Variants in STK32B observed in about 807,000 individuals in gnomAD.
The protein encoded by STK32B is serine/threonine-protein kinase 32B.
In STK32B, 43 loss-of-function variants were observed where a neutral mutation model predicts 52.6. The ratio of observed to expected loss-of-function variants is 0.82; its 90% CI spans 0.64 to 1.05. The LOEUF (loss-of-function observed/expected upper bound fraction) is 1.05. Among genes scored for constraint, STK32B ranks in the 50% least tolerant of loss-of-function variants. STK32B has a pLI of 0.00. For synonymous variants in STK32B, 238 were observed against 204.3 expected, an observed-to-expected ratio of 1.17 and a Z score of -1.41; for missense variants, 621 against 534.6, an observed-to-expected ratio of 1.16 and a Z score of -1.59.
At chr4:5,121,966 A>G (rs1399823642) in intron 1 of STK32B, among the ~76,000 whole-genome samples, 1 of 152,232 alleles carries the variant, frequency 6.6e-6, no homozygotes, top group East Asian at 1.9e-4. Context: ...GAAATGGGAC[A>G]GAAGGGATCA....
Position 5,398,410 on chromosome 4 carries a change from T to C in STK32B, c.472+166T>C, listed in dbSNP as rs999746421. On this transcript the variant is annotated intron_variant, in intron 5 of 11. Coordinates refer to ENST00000282908, the MANE Select transcript of STK32B (RefSeq NM_018401.3). This position sits in a 1 kb window ranked among gnomAD's most constrained non-coding sequence, Gnocchi z 4.9. ...GATCAACATCTGTGTAAATTTCTGG[T>C]CCATGTCCTGCCGTGGTAAGTTGAA... is the stretch of plus-strand genomic sequence containing the variant. Among the ~76,000 whole-genome samples the C allele has an allele frequency of 2.0e-5, 3 of 152,176 alleles. No individual in the cohort carries two copies. Among genetic ancestry groups the C allele is most frequent in the Admixed American group, 6.5e-5 (1 of 15,278 alleles).
intron 1 of STK32B, among the ~76,000 whole-genome samples, chr4:5,137,980 G>C (rs544534892): frequency 6.6e-6 from 1 of 152,210 alleles, no homozygotes; most frequent in African/African-American, 2.4e-5. Context: ...TACCTGCCCC[G>C]TGGGGACCTC....
chr4:5,168,299 G>A lies in STK32B; in HGVS notation c.109G>A (p.Val37Ile), dbSNP rs1199168608. The A allele has an allele frequency of 1.2e-6, 2 of 1,613,398 alleles. No homozygotes were observed. The highest frequency in any genetic ancestry group is 1.1e-5 in the South Asian group (1 of 90,960). ...GTTCTCTCCTTTGGCTGTCGCTCAG[G>A]TATGCATCGTGCAGAAGCGAGACAC... ...RAIGKGSFGK[V>I]CIVQKRDTKK... The change falls in exon 3 of 12, where the codon GTA becomes ATA. Residue 37 changes from valine to isoleucine, a missense_variant and splice_region_variant. Val to Ile is a conservative substitution (Grantham distance 29). Transcript: ENST00000282908.
At chr4:5,489,205 T>TTATC (rs1719477754) in intron 11 of STK32B, among the ~76,000 whole-genome samples, 1 of 152,184 alleles carries the variant, frequency 6.6e-6, no homozygotes, top group Non-Finnish European at 1.5e-5. Context: ...CAATTTACGT[T>TTATC]TATCTGCTTT....
At chr4:5,358,606 A>C (rs1734327454) in intron 4 of STK32B, among the ~76,000 whole-genome samples, 1 of 152,148 alleles carries the variant, frequency 6.6e-6, no homozygotes, top group Non-Finnish European at 1.5e-5. Context: ...GAGAGGCTTC[A>C]ATCCTTGTGG....
chr4:5,244,980 G>A (rs1449062078), intron 3 of STK32B, among the ~76,000 whole-genome samples: 1 of 152,176 alleles, frequency 6.6e-6, no homozygotes, highest in Admixed American at 6.5e-5. Flanking sequence ...ATTTGCTGAG[G>A]AGTGCTTTAC....
intron 3 of STK32B, among the ~76,000 whole-genome samples, chr4:5,309,331 A>G (rs1287729033): frequency 1.3e-5 from 2 of 152,180 alleles, no homozygotes; most frequent in East Asian, 1.9e-4. Context: ...GTGACCTACA[A>G]TGGAATCCTT....
chr4:5,306,526 G>T (rs1729936035), intron 3 of STK32B, among the ~76,000 whole-genome samples: 2 of 152,036 alleles, frequency 1.3e-5, no homozygotes, highest in African/African-American at 4.8e-5. Flanking sequence ...AAGTTTATGT[G>T]TGTCCTTGTG....
intron 3 of STK32B, among the ~76,000 whole-genome samples, chr4:5,177,076 G>A (rs559108769): frequency 1.2e-4 from 18 of 152,272 alleles, no homozygotes; most frequent in South Asian, 1.0e-3. Flanking sequence ...ATTGTTCACC[G>A]TAAGAGGTTA....
At chr4:5,175,788 C>T (rs539042859) in intron 3 of STK32B, among the ~76,000 whole-genome samples, 1 of 152,356 alleles carries the variant, frequency 6.6e-6, no homozygotes, top group South Asian at 2.1e-4. Flanking sequence ...GTGCTCATAT[C>T]TCCAGCTGCA....
chr4:5,175,924 C>G (rs1577144401), intron 3 of STK32B, among the ~76,000 whole-genome samples: 1 of 152,254 alleles, frequency 6.6e-6, no homozygotes, highest in East Asian at 1.9e-4. Context: ...GGCAGGCAGG[C>G]CTCCTTGAGC....
chr4:5,289,923 G>A (rs1728788193), intron 3 of STK32B, among the ~76,000 whole-genome samples: 1 of 151,890 alleles, frequency 6.6e-6, no homozygotes, highest in Admixed American at 6.6e-5. Context: ...TAAATTGTGT[G>A]TCATGAGGTT....
At chr4:5,423,210 C>T (rs1237872782) in intron 6 of STK32B, among the ~76,000 whole-genome samples, 1 of 152,034 alleles carries the variant, frequency 6.6e-6, no homozygotes, top group East Asian at 1.9e-4. Flanking sequence ...GGGTCAGGCT[C>T]AAGGGGGATG....
chr4:5,480,002 G>A (rs1454499293), intron 11 of STK32B, among the ~76,000 whole-genome samples: 1 of 152,220 alleles, frequency 6.6e-6, no homozygotes, highest in East Asian at 1.9e-4. Context: ...CTTTCTAATT[G>A]TAAAATGGGG....
intron 4 of STK32B, among the ~76,000 whole-genome samples, chr4:5,383,501 A>C (rs529853320): frequency 5.9e-5 from 9 of 152,312 alleles, no homozygotes; most frequent in Admixed American, 5.2e-4. Context: ...GTAGCATCCC[A>C]TTGTGAGCCA....
intron 3 of STK32B, among the ~76,000 whole-genome samples, chr4:5,273,957 A>G (rs1727621913): frequency 6.6e-6 from 1 of 151,820 alleles, no homozygotes; most frequent in Non-Finnish European, 1.5e-5. Context: ...TAACCTGCAC[A>G]ATGTGCACAT....
chr4:5,286,406 C>T (rs564928674), intron 3 of STK32B, among the ~76,000 whole-genome samples: 55 of 152,182 alleles, frequency 3.6e-4, no homozygotes, highest in African/African-American at 1.1e-3. Flanking sequence ...TGGGAACACA[C>T]TAAGTGTTCT....
chr4:5,230,651 G>GCC (rs1247528729), intron 3 of STK32B, among the ~76,000 whole-genome samples: 1 of 152,198 alleles, frequency 6.6e-6, no homozygotes, highest in Non-Finnish European at 1.5e-5. Context: ...AGCCCCAAAA[G>GCC]CCACATTTTG....
chr4:5,080,529 G>A (rs1302991744), intron 1 of STK32B, among the ~76,000 whole-genome samples: 1 of 151,720 alleles, frequency 6.6e-6, no homozygotes, highest in Non-Finnish European at 1.5e-5. Context: ...TCAGCTTTTC[G>A]CTCTTACTGA....
Sources: gnomAD v4.1 joint callset for allele counts (sites outside exome capture counted in the v4.1 genomes callset) on GRCh38, gnomAD v4.1.1 for gene constraint, Gnocchi (gnomAD v3.1) non-coding constraint, MANE v1.5 for transcripts, NCBI Gene and HGNC (gene_info 2026-07-23, HGNC 2026-07-21) for gene names.